FRMD4B: variants seen among roughly 807,000 people sequenced by gnomAD.
FRMD4B encodes the protein FERM domain-containing protein 4B.
In FRMD4B, 74 loss-of-function variants were observed where a neutral mutation model predicts 141.5. That is an observed-to-expected ratio of 0.52 (90% CI 0.43 to 0.63). FRMD4B has a LOEUF of 0.63. Ranked by LOEUF, FRMD4B falls within the 30% of genes least tolerant of loss-of-function variation. The pLI is 0.00. For missense variants in FRMD4B, 1,366 were observed against 1,253.4 expected (o/e 1.09, Z -1.36); for synonymous variants, 506 against 467.9 (o/e 1.08, Z -1.05).
chr3:69,453,824 T>C (rs138541492), intron 1 of FRMD4B, among the ~76,000 whole-genome samples: 66 of 152,280 alleles, frequency 4.3e-4, no homozygotes, highest in African/African-American at 1.3e-3. Context: ...AGTGCAGTGA[T>C]GTGTACCAGA....
intron 2 of FRMD4B, among the ~76,000 whole-genome samples, chr3:69,410,726 AATATATATATATATATATAT>A (rs767608068): frequency 3.2e-3 from 276 of 86,304 alleles, no homozygotes; most frequent in African/African-American, 6.9e-3. Context: ...TAAATAAATA[AATATATATATATATATATAT>A]ATATATATAT....
intron 2 of FRMD4B, 99 bp downstream of exon 2, chr3:69,313,353 A>G (rs766265554): frequency 2.6e-6 from 2 of 764,932 alleles, no homozygotes; most frequent in Non-Finnish European, 4.7e-6. Flanking sequence ...AATACAGACT[A>G]TGAGGCTCAG....
At chr3:69,211,022 C>CAAAAAAAAAAAAAAAAAAAA in intron 11 of FRMD4B, among the ~76,000 whole-genome samples, 1 of 3,364 alleles carries the variant, frequency 3.0e-4, no homozygotes, top group African/African-American at 5.9e-4. Flanking sequence ...AATGCCATCT[C>CAAAAAAAAAAAAAAAAAAAA]GAAAAAAAAA....
intron 11 of FRMD4B, among the ~76,000 whole-genome samples, chr3:69,210,680 GA>G (rs1242522247): frequency 6.6e-6 from 1 of 152,064 alleles, no homozygotes; most frequent in African/African-American, 2.4e-5. Context: ...AATGAATTAG[GA>G]GGTGAAAGAA....
intron 2 of FRMD4B, among the ~76,000 whole-genome samples, chr3:69,392,406 C>CA (rs574658787): frequency 5.1e-4 from 77 of 152,178 alleles, no homozygotes; most frequent in African/African-American, 1.8e-3. Flanking sequence ...GATGGGGGTA[C>CA]ATGATAGCAA....
chr3:69,481,327 G>A (rs1006154153), intron 1 of FRMD4B, among the ~76,000 whole-genome samples: 42 of 152,226 alleles, frequency 2.8e-4, no homozygotes, highest in African/African-American at 4.3e-4. Flanking sequence ...GCTGTAGACC[G>A]GAGCTGTTCC....
rs371959287 is a variant in FRMD4B at position 69,293,403 on chromosome 3, TCA to T, written c.417-5569_417-5568del. Among the ~76,000 whole-genome samples, 307 of 132,430 alleles carry T rather than the reference TCA, an allele frequency of 2.3e-3. 2 individuals are homozygous for T. Among genetic ancestry groups the T allele is most frequent in the African/African-American group, 7.6e-3 (298 of 39,078 alleles). The allele number at this position is 132,430 out of a possible 152,430, so 86.9% of individuals were successfully genotyped here. Reference sequence around the variant, plus strand: ...CTCAGTGCCTCTTACCTCTCTTGCCTCACACACTGGAGAAATGAGAGGGTTTG... The same window carrying T: ...CTCAGTGCCTCTTACCTCTCTTGCCTCACACTGGAGAAATGAGAGGGTTTG... On this transcript the variant is annotated intron_variant, in intron 4 of 22. Coordinates refer to ENST00000398540, the MANE Select transcript of FRMD4B (RefSeq NM_015123.3).
At chr3:69,480,629 C>T (rs930163502) in intron 1 of FRMD4B, among the ~76,000 whole-genome samples, 1 of 152,180 alleles carries the variant, frequency 6.6e-6, no homozygotes, top group African/African-American at 2.4e-5. Flanking sequence ...TGGGAGGCGC[C>T]TCCCAGTTAG....
In FRMD4B at chr3:69,218,343, A is replaced by G. The variant is rs747777943; in HGVS notation, c.768T>C (p.Gly256=). The change falls in exon 10 of 23, where the codon GGT becomes GGC. Residue 256 remains glycine (G), a synonymous_variant. Coordinates refer to ENST00000398540, the MANE Select transcript of FRMD4B (RefSeq NM_015123.3). ...TTACCTTTACTGCATAATAATGGAC[A>G]CCGTAAGTCGGTAGAGCTTCTACTA... is the stretch of plus-strand genomic sequence containing the variant. ...MKIVEALPTY[G]VHYYAVKDKQ... The G allele has an allele frequency of 3.3e-6, 5 of 1,510,458 alleles. No homozygotes were observed. The highest frequency in any genetic ancestry group is 1.4e-5 in the African/African-American group (1 of 72,810). The allele number at this position is 1,510,458 out of a possible 1,614,324, so 93.6% of individuals were successfully genotyped here.
At chr3:69,488,036 A>G (rs992133447) in intron 1 of FRMD4B, among the ~76,000 whole-genome samples, 1 of 152,162 alleles carries the variant, frequency 6.6e-6, no homozygotes, top group Non-Finnish European at 1.5e-5. Flanking sequence ...GGGAAAGAAA[A>G]AGAAAGAGAA....
chr3:69,213,369 TA>T (rs10717974), intron 11 of FRMD4B, among the ~76,000 whole-genome samples: 21,736 of 124,484 alleles, frequency 0.17, 1,752 homozygotes, highest in Admixed American at 0.26. Context: ...TTACTCTGGG[TA>T]AAAAAAAAAA....
chr3:69,402,779 C>T (rs981019959), intron 2 of FRMD4B, among the ~76,000 whole-genome samples: 1 of 152,094 alleles, frequency 6.6e-6, no homozygotes, highest in African/African-American at 2.4e-5. Context: ...CATCAGGAGA[C>T]AGTGCAATAA....
intron 7 of FRMD4B, among the ~76,000 whole-genome samples, chr3:69,243,233 G>A (rs1457914868): frequency 2.0e-5 from 3 of 152,084 alleles, no homozygotes; most frequent in African/African-American, 7.2e-5. Flanking sequence ...CAGAGAGCAG[G>A]GTTTCCTACT....
chr3:69,294,638 T>C (rs190959865), intron 4 of FRMD4B, among the ~76,000 whole-genome samples: 1 of 152,306 alleles, frequency 6.6e-6, no homozygotes, highest in Admixed American at 6.5e-5. Flanking sequence ...ACAGCATGAC[T>C]CTTTCTGAGT....
intron 1 of FRMD4B, among the ~76,000 whole-genome samples, chr3:69,350,139 C>T (rs1703087349): frequency 6.6e-6 from 1 of 152,080 alleles, no homozygotes; most frequent in African/African-American, 2.4e-5. Context: ...AAAAAACAAA[C>T]AACCCCATGA....
intron 5 of FRMD4B, among the ~76,000 whole-genome samples, chr3:69,267,003 T>C (rs2093565253): frequency 6.6e-6 from 1 of 152,202 alleles, no homozygotes; most frequent in African/African-American, 2.4e-5. Flanking sequence ...AGAAAATTAT[T>C]AGACTAGTGA....
chr3:69,227,818 T>G (rs1462016054), intron 7 of FRMD4B, among the ~76,000 whole-genome samples: 2 of 151,728 alleles, frequency 1.3e-5, no homozygotes, highest in Non-Finnish European at 2.9e-5. Flanking sequence ...TGTAGAACTG[T>G]ACAACACAAA....
intron 14 of FRMD4B, among the ~76,000 whole-genome samples, chr3:69,195,963 C>G (rs1014666145): frequency 3.3e-5 from 5 of 152,128 alleles, no homozygotes; most frequent in African/African-American, 1.2e-4. Flanking sequence ...GTATCAAAAA[C>G]TGAATGCTGG....
rs147758934 is a variant in FRMD4B, at chr3:69,208,808, T to G, written c.876+7455A>C. Among the ~76,000 whole-genome samples the G allele has an allele frequency of 1.8e-3, 270 of 152,348 alleles. 1 individual carries two copies. The highest frequency in any genetic ancestry group is 6.0e-3 in the African/African-American group (251 of 41,576). On this transcript the variant is annotated intron_variant, in intron 11 of 22. Transcript: ENST00000398540. ...ACAAATACAGTGTGACAGAAACTAC[T>G]GATCTCCCCTAGGATCTATTTTTCC...
Sources: gnomAD v4.1 joint callset for allele counts (sites outside exome capture counted in the v4.1 genomes callset) on GRCh38, gnomAD v4.1.1 for gene constraint, MANE v1.5 for transcripts, NCBI Gene and HGNC (gene_info 2026-07-23, HGNC 2026-07-21) for gene names.